THSD7B: variants seen among roughly 807,000 people sequenced by gnomAD.
THSD7B encodes the protein thrombospondin type 1 domain containing 7B.
A neutral mutation model predicts 213.6 loss-of-function variants in THSD7B; 138 were observed. The observed-to-expected ratio is 0.65, with a 90% confidence interval of 0.56 to 0.74. The LOEUF (loss-of-function observed/expected upper bound fraction) is 0.74. THSD7B is among the 30% of genes least tolerant of loss of function. The probability of loss-of-function intolerance (pLI) is 0.00; values close to 1 mark genes in which losing one functional copy is unlikely to be tolerated. For missense variants in THSD7B, 1,931 were observed against 1,991.5 expected, an observed-to-expected ratio of 0.97 and a Z score of 0.58; for synonymous variants, 742 against 687.0, an observed-to-expected ratio of 1.08 and a Z score of -1.25.
At chr2:137,580,562 T>G (rs1483891861) in intron 17 of THSD7B, among the ~76,000 whole-genome samples, 1 of 152,204 alleles carries the variant, frequency 6.6e-6, no homozygotes, top group Non-Finnish European at 1.5e-5. Flanking sequence ...ACATACTTTA[T>G]TAGGAAGAAC....
chr2:137,023,037 A>G (rs1311575276), intron 2 of THSD7B, among the ~76,000 whole-genome samples: 1 of 152,208 alleles, frequency 6.6e-6, no homozygotes, highest in Non-Finnish European at 1.5e-5. Flanking sequence ...TAGCTTTATA[A>G]GAATGGCTCT....
intron 12 of THSD7B, among the ~76,000 whole-genome samples, chr2:137,373,996 A>T (rs551115489): frequency 8.3e-4 from 126 of 152,306 alleles, no homozygotes; most frequent in African/African-American, 3.0e-3. Flanking sequence ...TTTGTCAAAG[A>T]TCAGATAGTT....
At chr2:137,284,918 A>G (rs905910896) in intron 12 of THSD7B, among the ~76,000 whole-genome samples, 1 of 152,036 alleles carries the variant, frequency 6.6e-6, no homozygotes, top group African/African-American at 2.4e-5. Context: ...TATTAGGTCC[A>G]CTTTGTGCAG....
chr2:137,392,452 A>T (rs1686055121), intron 12 of THSD7B, among the ~76,000 whole-genome samples: 1 of 152,148 alleles, frequency 6.6e-6, no homozygotes, highest in Non-Finnish European at 1.5e-5. Flanking sequence ...ATATATATCT[A>T]GAATGGTTAT....
intron 15 of THSD7B, among the ~76,000 whole-genome samples, chr2:137,500,125 C>T (rs1679666637): frequency 1.3e-5 from 2 of 152,102 alleles, no homozygotes; most frequent in African/African-American, 2.4e-5. Flanking sequence ...ATCAAAGGCT[C>T]CTCTTTCCTT....
At chr2:137,535,766 A>G (rs553542312) in intron 15 of THSD7B, among the ~76,000 whole-genome samples, 1 of 151,762 alleles carries the variant, frequency 6.6e-6, no homozygotes, top group South Asian at 2.1e-4. Context: ...GATGGTTTGG[A>G]GGACAGAATG....
At chr2:137,644,517 T>C (rs192249033) in intron 21 of THSD7B, among the ~76,000 whole-genome samples, 2 of 152,308 alleles carry the variant, frequency 1.3e-5, no homozygotes, top group East Asian at 1.9e-4. Context: ...AAGGGAATCA[T>C]GACAATATCT....
intron 7 of THSD7B, among the ~76,000 whole-genome samples, chr2:137,176,462 G>A (rs1680358636): frequency 6.6e-6 from 1 of 152,108 alleles, no homozygotes; most frequent in Non-Finnish European, 1.5e-5. Context: ...CCAACATCTT[G>A]CCACCTGTTT....
chr2:136,986,305 A>G (rs1685671626), intron 2 of THSD7B, among the ~76,000 whole-genome samples: 1 of 152,236 alleles, frequency 6.6e-6, no homozygotes, highest in Admixed American at 6.5e-5. Flanking sequence ...TCCAAATCTC[A>G]TGTTGAAATT....
At chr2:137,042,068 T>C (rs1686893856) in intron 2 of THSD7B, among the ~76,000 whole-genome samples, 1 of 152,188 alleles carries the variant, frequency 6.6e-6, no homozygotes. Context: ...ACTTTAACAA[T>C]TGCTCTGCTG....
intron 2 of THSD7B, among the ~76,000 whole-genome samples, chr2:136,958,326 C>T (rs566984553): frequency 6.6e-6 from 1 of 152,182 alleles, no homozygotes. Context: ...ATCAGCAACA[C>T]TGGGAAAATA....
intron 7 of THSD7B, among the ~76,000 whole-genome samples, chr2:137,216,602 A>G (rs1038918748): frequency 6.6e-6 from 1 of 152,182 alleles, no homozygotes; most frequent in Non-Finnish European, 1.5e-5. Flanking sequence ...CGGGTGCCCC[A>G]TGGTGCCCAG....
At chr2:137,072,851 A>G (rs750354338) in intron 3 of THSD7B, among the ~76,000 whole-genome samples, 90 of 152,250 alleles carry the variant, frequency 5.9e-4, no homozygotes, top group Non-Finnish European at 1.0e-3. Context: ...TTCTGCATCT[A>G]TTGAGATAAC....
Position 137,057,075 on chromosome 2 carries a change from T to C in THSD7B, c.795T>C (p.Thr265=), listed in dbSNP as rs1386785965. The change falls in exon 3 of 28, where the codon ACT becomes ACC. Residue 265 remains threonine, a synonymous_variant. Transcript: ENST00000409968. ...AAGAAATTAATCCAAGCGGAAGAACTGTTCTGGATTTTAACTCTGATTCAA... is the reference window on the plus strand; with the variant it reads ...AAGAAATTAATCCAAGCGGAAGAACCGTTCTGGATTTTAACTCTGATTCAA... The part of the protein sequence containing the change: ...HLKEINPSGR[T]VLDFNSDSNE... 1 of 1,613,968 alleles carries C rather than the reference T, an allele frequency of 6.2e-7. No individual in the cohort carries two copies. The highest frequency in any genetic ancestry group is 2.2e-5 in the East Asian group (1 of 44,876).
At chr2:137,598,671 C>A (rs945967663) in intron 17 of THSD7B, among the ~76,000 whole-genome samples, 3 of 152,102 alleles carry the variant, frequency 2.0e-5, no homozygotes, top group African/African-American at 7.2e-5. Flanking sequence ...AAATACATTT[C>A]CTGATATTGT....
chr2:137,460,702 T>C (rs1044530934), intron 15 of THSD7B, among the ~76,000 whole-genome samples: 6 of 152,116 alleles, frequency 3.9e-5, no homozygotes, highest in Non-Finnish European at 8.8e-5. Flanking sequence ...GCCCTTTTTG[T>C]ATATTTATAA....
Position 137,659,731 on chromosome 2 carries a change from C to T in THSD7B, c.4443C>T (p.Phe1481=), listed in dbSNP as rs1187362264. Residue 1481 remains phenylalanine, a synonymous_variant, in exon 25 of 28, where the codon TTC becomes TTT. Coordinates refer to ENST00000409968, the MANE Select transcript of THSD7B (RefSeq NM_001316349.2). The part of the protein sequence containing the change: ...RQCIPACRKP[F]SYCTQGGVCG... ...GCATTCCAGCCTGCAGAAAACCTTT[C>T]TCCTACTGTACACAGGTGAGTCATG... is the stretch of plus-strand genomic sequence containing the variant. 1 of 1,603,038 alleles carries T rather than the reference C, an allele frequency of 6.2e-7. No individual in the cohort carries two copies. The highest frequency in any genetic ancestry group is 2.2e-5 in the East Asian group (1 of 44,512).
At chr2:137,339,770 G>A (rs1241199702) in intron 12 of THSD7B, among the ~76,000 whole-genome samples, 1 of 151,480 alleles carries the variant, frequency 6.6e-6, no homozygotes, top group African/African-American at 2.4e-5. Context: ...ATATAGACAT[G>A]TCTTTCCCAT....
At chr2:137,251,877 C>T (rs140317051) in intron 10 of THSD7B, among the ~76,000 whole-genome samples, 134 of 152,288 alleles carry the variant, frequency 8.8e-4, no homozygotes, top group African/African-American at 3.1e-3. Context: ...CATAGACCAA[C>T]AGATTGTTTG....
Sources: allele counts gnomAD v4.1 joint callset (sites outside exome capture counted in the v4.1 genomes callset), GRCh38; gene constraint gnomAD v4.1.1; transcripts MANE v1.5; gene names NCBI Gene and HGNC (gene_info 2026-07-23, HGNC 2026-07-21).